Variants in LRP1B observed in about 807,000 individuals in gnomAD.
LRP1B encodes LDL receptor related protein 1B.
LRP1B carries 217 observed loss-of-function variants against 556.6 expected under a neutral mutation model. That is an observed-to-expected ratio of 0.39 (90% CI 0.35 to 0.44). The LOEUF is 0.44. Among genes scored for constraint, LRP1B ranks in the 20% least tolerant of loss-of-function variants. LRP1B has a pLI of 1.00. For missense variants in LRP1B, 5,053 were observed against 5,620.8 expected, an observed-to-expected ratio of 0.90 and a Z score of 3.23; for synonymous variants, 2,047 against 1,865.8, an observed-to-expected ratio of 1.10 and a Z score of -2.50.
chr2:140,856,439 A>G (rs990963118), intron 27 of LRP1B, among the ~76,000 whole-genome samples: 1 of 152,118 alleles, frequency 6.6e-6, no homozygotes, highest in Non-Finnish European at 1.5e-5. Context: ...ACATTTGTTC[A>G]TATATTTTGT....
chr2:141,994,092 CT>C (rs1702419719), intron 1 of LRP1B, among the ~76,000 whole-genome samples: 1 of 152,160 alleles, frequency 6.6e-6, no homozygotes, highest in Admixed American at 6.6e-5. Flanking sequence ...AAATGGAACC[CT>C]GAGTGGCAGT....
chr2:140,607,862 T>C (rs1682927521), intron 41 of LRP1B, among the ~76,000 whole-genome samples: 1 of 152,054 alleles, frequency 6.6e-6, no homozygotes, highest in African/African-American at 2.4e-5. Context: ...TAATTTTCCT[T>C]TTTCTAACCA....
intron 1 of LRP1B, among the ~76,000 whole-genome samples, chr2:142,005,674 T>C (rs982357208): frequency 1.3e-5 from 2 of 152,154 alleles, no homozygotes; most frequent in Non-Finnish European, 1.5e-5. Context: ...TAATGCTATA[T>C]TCATTTTCTT....
At chr2:141,238,577 T>A (rs1683743846) in intron 5 of LRP1B, among the ~76,000 whole-genome samples, 1 of 152,166 alleles carries the variant, frequency 6.6e-6, no homozygotes, top group African/African-American at 2.4e-5. Context: ...TCTTTGCTTT[T>A]ATAGAACTTA....
At chr2:140,810,333 A>T (rs1481000840) in intron 32 of LRP1B, among the ~76,000 whole-genome samples, 1 of 152,166 alleles carries the variant, frequency 6.6e-6, no homozygotes, top group African/African-American at 2.4e-5. Flanking sequence ...TATACTAATC[A>T]CTTCATAGTA....
At chr2:141,752,698 G>T (rs1490305436) in intron 2 of LRP1B, among the ~76,000 whole-genome samples, 1 of 151,528 alleles carries the variant, frequency 6.6e-6, no homozygotes, top group Non-Finnish European at 1.5e-5. Context: ...GGTAAGGAGG[G>T]TGGGGAGGCG....
chr2:141,277,391 T>C (rs901604041), intron 3 of LRP1B, among the ~76,000 whole-genome samples: 5 of 152,228 alleles, frequency 3.3e-5, no homozygotes, highest in African/African-American at 1.2e-4. Flanking sequence ...TAATGATTAG[T>C]GATGTTGAAC....
chr2:141,867,284 G>T (rs1212154560), intron 1 of LRP1B, among the ~76,000 whole-genome samples: 2 of 151,928 alleles, frequency 1.3e-5, no homozygotes, highest in African/African-American at 4.8e-5. Flanking sequence ...GAAATGATGG[G>T]TCTATCTAGG....
chr2:141,924,093 T>C (rs896767317), intron 1 of LRP1B, among the ~76,000 whole-genome samples: 1 of 152,020 alleles, frequency 6.6e-6, no homozygotes, highest in Non-Finnish European at 1.5e-5. Flanking sequence ...TCTGTTTTCA[T>C]GCCCAAAAAG....
intron 43 of LRP1B, among the ~76,000 whole-genome samples, chr2:140,560,060 C>A (rs1215475255): frequency 2.0e-5 from 3 of 152,062 alleles, no homozygotes; most frequent in Non-Finnish European, 4.4e-5. Flanking sequence ...ACCAAGTGAT[C>A]AAAGTTAGCA....
intron 41 of LRP1B, among the ~76,000 whole-genome samples, chr2:140,619,722 A>C (rs1683386520): frequency 6.6e-6 from 1 of 152,208 alleles, no homozygotes; most frequent in East Asian, 1.9e-4. Context: ...CTATGGAAAT[A>C]AATGTTGGTA....
chr2:140,332,190 C>T (rs1680849812), intron 79 of LRP1B, among the ~76,000 whole-genome samples: 2 of 152,032 alleles, frequency 1.3e-5, no homozygotes, highest in Admixed American at 1.3e-4. Flanking sequence ...TCACTTTTCA[C>T]ACAGTTTTTC....
intron 3 of LRP1B, among the ~76,000 whole-genome samples, chr2:141,454,367 T>C (rs1050947445): frequency 1.3e-5 from 2 of 152,124 alleles, no homozygotes; most frequent in African/African-American, 4.8e-5. Context: ...AGTATACTTA[T>C]CAGGTAACAG....
At chr2:141,037,852 A>T (rs13033037) in intron 11 of LRP1B, among the ~76,000 whole-genome samples, 1 of 151,652 alleles carries the variant, frequency 6.6e-6, no homozygotes, top group Non-Finnish European at 1.5e-5. Context: ...CCTTGCAAGC[A>T]CAGACACACA....
At chr2:140,913,523 G>A (rs908036703) in intron 21 of LRP1B, among the ~76,000 whole-genome samples, 10 of 151,894 alleles carry the variant, frequency 6.6e-5, no homozygotes, top group Non-Finnish European at 1.2e-4. Flanking sequence ...TGCCTTATGC[G>A]TATAGTCTTA....
intron 3 of LRP1B, among the ~76,000 whole-genome samples, chr2:141,423,324 A>AAT (rs1455528539): frequency 2.1e-5 from 3 of 144,142 alleles, no homozygotes; most frequent in African/African-American, 7.8e-5. Flanking sequence ...TTTAAGGGCA[A>AAT]ATATTTCCCA....
intron 2 of LRP1B, among the ~76,000 whole-genome samples, chr2:141,558,789 T>C (rs994181034): frequency 9.2e-5 from 14 of 151,712 alleles, no homozygotes; most frequent in Non-Finnish European, 1.3e-4. Flanking sequence ...GCCTGAAAAA[T>C]AGGAAATCAT....
intron 3 of LRP1B, among the ~76,000 whole-genome samples, chr2:141,410,618 T>C (rs1690817053): frequency 6.6e-6 from 1 of 152,066 alleles, no homozygotes; most frequent in African/African-American, 2.4e-5. Flanking sequence ...AAATATTCAG[T>C]AACATAATCA....
Position 141,013,626 on chromosome 2 carries a change from C to T in LRP1B, c.2310G>A (p.Glu770=), listed in dbSNP as rs767017497. 1.7e-5 allele frequency: 28 copies of T among 1,612,372 alleles called. No homozygotes were observed. The highest frequency in any genetic ancestry group is 2.2e-5 in the Non-Finnish European group (26 of 1,179,048). Residue 770 remains glutamate (E), a synonymous_variant, in exon 14 of 91, where the codon GAG becomes GAA. Transcript: ENST00000389484. ...SIFQLDLITS[E]VTLLRHERPP... The stretch of plus-strand genomic sequence containing the variant: ...GTCTTTCATGCCTCAGCAATGTCAC[C>T]TCACTTGTTATCAAATCTAGTTGAA...
Sources: allele counts gnomAD v4.1 joint callset (sites outside exome capture counted in the v4.1 genomes callset), GRCh38; gene constraint gnomAD v4.1.1; transcripts MANE v1.5; gene names NCBI Gene and HGNC (gene_info 2026-07-23, HGNC 2026-07-21).